ASTN2: variants seen among roughly 807,000 people sequenced by gnomAD.
The protein encoded by ASTN2 is astrotactin 2.
In ASTN2, 54 loss-of-function variants were observed where a neutral mutation model predicts 139.8. The observed-to-expected ratio is 0.39, with a 90% CI of 0.31 to 0.48. The LOEUF (loss-of-function observed/expected upper bound fraction) is 0.48. ASTN2 is among the 20% of genes least tolerant of loss of function. The probability of loss-of-function intolerance (pLI) is 0.95; values close to 1 mark genes in which losing one functional copy is unlikely to be tolerated. For missense variants in ASTN2, 1,565 were observed against 1,725.1 expected (o/e 0.91, Z 1.64); for synonymous variants, 756 against 719.5 (o/e 1.05, Z -0.81).
At chr9:117,303,466 C>A (rs1467869347) in intron 1 of ASTN2, among the ~76,000 whole-genome samples, 1 of 152,112 alleles carries the variant, frequency 6.6e-6, no homozygotes, top group Non-Finnish European at 1.5e-5. Context: ...CCTACCCTCT[C>A]CTTCACCCCT....
intron 4 of ASTN2, among the ~76,000 whole-genome samples, chr9:117,117,401 A>G (rs1587981522): frequency 6.6e-6 from 1 of 151,594 alleles, no homozygotes; most frequent in East Asian, 1.9e-4. Flanking sequence ...AGAAAGAGAA[A>G]AAAAAAAAAC....
chr9:116,787,780 G>A (rs912759742), intron 13 of ASTN2, among the ~76,000 whole-genome samples: 1 of 152,046 alleles, frequency 6.6e-6, no homozygotes, highest in Non-Finnish European at 1.5e-5. Context: ...TGCTGAATGG[G>A]CTCCTGTATC....
At chr9:116,539,598 C>T (rs762847446) in intron 19 of ASTN2, among the ~76,000 whole-genome samples, 26 of 152,050 alleles carry the variant, frequency 1.7e-4, no homozygotes, top group Non-Finnish European at 3.1e-4. Flanking sequence ...GTTTTAAGAC[C>T]CCAGTGGACG....
At chr9:117,031,594 C>T (rs1017865141) in intron 6 of ASTN2, among the ~76,000 whole-genome samples, 4 of 151,978 alleles carry the variant, frequency 2.6e-5, no homozygotes, top group South Asian at 2.1e-4. Flanking sequence ...TAAAATTATA[C>T]ATTGAAATAA....
At chr9:116,477,996 A>C (rs12344775) in intron 20 of ASTN2, among the ~76,000 whole-genome samples, 13,316 of 150,892 alleles carry the variant, frequency 0.088, 872 homozygotes, top group Non-Finnish European at 0.14. Flanking sequence ...CAGAGGGCAG[A>C]GGGGGAAATA....
chr9:117,114,912 A>G (rs1318228882), intron 4 of ASTN2, among the ~76,000 whole-genome samples: 1 of 152,064 alleles, frequency 6.6e-6, no homozygotes, highest in African/African-American at 2.4e-5. Flanking sequence ...TTAGCCAACA[A>G]CTGCACCCAT....
intron 1 of ASTN2, among the ~76,000 whole-genome samples, chr9:117,368,279 G>T (rs906020684): frequency 6.6e-6 from 1 of 151,720 alleles, no homozygotes; most frequent in Admixed American, 6.6e-5. Flanking sequence ...ATGCACATGC[G>T]CACACATGTG....
intron 7 of ASTN2, among the ~76,000 whole-genome samples, chr9:116,980,498 T>C (rs1014788914): frequency 6.6e-6 from 1 of 152,190 alleles, no homozygotes; most frequent in African/African-American, 2.4e-5. Flanking sequence ...TCCTTACATA[T>C]TAGACATGTA....
intron 10 of ASTN2, among the ~76,000 whole-genome samples, chr9:116,892,411 T>C (rs1191966513): frequency 6.6e-6 from 1 of 152,008 alleles, no homozygotes; most frequent in Non-Finnish European, 1.5e-5. Flanking sequence ...CAGTCTTATA[T>C]ACCAGCATTT....
At chr9:116,997,468 A>C (rs1837058789) in intron 7 of ASTN2, among the ~76,000 whole-genome samples, 1 of 152,090 alleles carries the variant, frequency 6.6e-6, no homozygotes. Flanking sequence ...AATTCAATTC[A>C]GTATTTTTGT....
intron 3 of ASTN2, among the ~76,000 whole-genome samples, chr9:117,176,778 T>C (rs1211107072): frequency 2.0e-5 from 3 of 152,084 alleles, no homozygotes; most frequent in Non-Finnish European, 4.4e-5. Flanking sequence ...AAAAAATTGT[T>C]TTAATTAGCT....
chr9:117,175,397 C>T (rs1245022091), intron 3 of ASTN2, among the ~76,000 whole-genome samples: 1 of 152,024 alleles, frequency 6.6e-6, no homozygotes, highest in Non-Finnish European at 1.5e-5. Flanking sequence ...TGAATGTAAT[C>T]CCAATCCCAG....
intron 19 of ASTN2, among the ~76,000 whole-genome samples, chr9:116,502,588 G>T (rs1478724042): frequency 6.6e-6 from 1 of 150,798 alleles, no homozygotes; most frequent in Non-Finnish European, 1.5e-5. Flanking sequence ...GACATAGACA[G>T]GAGTTGGTGA....
rs140629647 is a variant in ASTN2, at chr9:117,242,484, C to T, written c.631-27742G>A. ...ACAGGGATATGCTGGCTGGAAGCAT[C>T]CTAATGGTTTTATCATCCACTGTTA... On this transcript the variant is annotated intron_variant, in intron 2 of 22. Coordinates refer to ENST00000313400, the MANE Select transcript of ASTN2 (RefSeq NM_001365068.1). Among the ~76,000 whole-genome samples, 1,258 of 152,232 alleles carry T rather than the reference C, an allele frequency of 8.3e-3. 25 individuals are homozygous for T. The highest frequency in any genetic ancestry group is 8.7e-3 in the Non-Finnish European group (594 of 68,022).
chr9:117,201,034 T>C (rs995195723), intron 3 of ASTN2, among the ~76,000 whole-genome samples: 1 of 149,190 alleles, frequency 6.7e-6, no homozygotes, highest in Non-Finnish European at 1.5e-5. Context: ...GGTTATTAAT[T>C]ACTGCCTCAA....
chr9:117,234,394 T>A (rs959425253), intron 2 of ASTN2, among the ~76,000 whole-genome samples: 9 of 152,164 alleles, frequency 5.9e-5, no homozygotes, highest in African/African-American at 2.2e-4. Context: ...TAATCCCTCC[T>A]GAACCGGCCA....
At position 116,698,943 on chromosome 9, in the gene ASTN2, A is replaced by T. The variant is rs747266069; in HGVS notation, c.2806+26828T>A. 1.2e-6 allele frequency: 2 copies of T among 1,614,202 alleles called. No homozygotes were observed. The highest frequency in any genetic ancestry group is 1.7e-5 in the Admixed American group (1 of 60,026). On this transcript the variant is annotated intron_variant, in intron 16 of 22. Transcript: ENST00000313400. The surrounding 1 kb of genome is among the most constrained non-coding windows in gnomAD (Gnocchi z 4.4). ...CTATCGTATACAAGTCTTTACCCGC[A>T]AAGGCTTTTTGAAGGAAATCCGCCG... is the stretch of plus-strand genomic sequence containing the variant.
intron 19 of ASTN2, among the ~76,000 whole-genome samples, chr9:116,573,158 C>A (rs1853592029): frequency 1.3e-5 from 2 of 152,138 alleles, no homozygotes; most frequent in East Asian, 1.9e-4. Context: ...ACCAAAGGCA[C>A]CATTTTATGC....
intron 1 of ASTN2, 48 bp from the exon 2 acceptor site, chr9:117,291,561 G>T: frequency 6.6e-7 from 1 of 1,515,672 alleles, no homozygotes; most frequent in South Asian, 1.3e-5. Flanking sequence ...GCCTGGCCTT[G>T]GTGCTCCAGG....
Sources: allele counts gnomAD v4.1 joint callset (sites outside exome capture counted in the v4.1 genomes callset), GRCh38; gene constraint gnomAD v4.1.1; non-coding constraint Gnocchi (gnomAD v3.1); transcripts MANE v1.5; gene names NCBI Gene and HGNC (gene_info 2026-07-23, HGNC 2026-07-21).